CAST: variants seen among roughly 807,000 people sequenced by gnomAD.
The protein encoded by CAST is MIR583 host.
Under a neutral mutation model 119.6 loss-of-function variants are expected in CAST, and 76 were observed. That is an observed-to-expected ratio of 0.64 (90% CI 0.53 to 0.77). The LOEUF is 0.77. CAST is among the 30% of genes least tolerant of loss of function. CAST has a pLI of 0.00. For missense variants in CAST, 953 were observed against 946.5 expected (o/e 1.01, Z -0.09); for synonymous variants, 319 against 331.6 (o/e 0.96, Z 0.41).
intron 1 of CAST, among the ~76,000 whole-genome samples, chr5:96,629,889 C>T (rs530607335): frequency 5.3e-5 from 8 of 152,314 alleles, no homozygotes; most frequent in African/African-American, 7.2e-5. Flanking sequence ...CTATGAAGTA[C>T]TATGAATTTG....
At chr5:96,024,532 A>C in the CAST span, among the ~76,000 whole-genome samples, 1 of 152,312 alleles carries the variant, frequency 6.6e-6, no homozygotes, top group African/African-American at 2.4e-5. Context: ...CAAAGAACTT[A>C]ACACAGAATC....
chr5:96,155,568 G>C, the CAST span, among the ~76,000 whole-genome samples: 1 of 152,138 alleles, frequency 6.6e-6, no homozygotes, highest in Admixed American at 6.6e-5. Context: ...GATATGTTCC[G>C]ATGGAAATCT....
chr5:96,565,464 C>T (rs959531170), intron 1 of CAST, among the ~76,000 whole-genome samples: 4 of 151,972 alleles, frequency 2.6e-5, no homozygotes, highest in African/African-American at 9.7e-5. Context: ...ATTCATACAC[C>T]CTTTTTCCCT....
intron 1 of CAST, among the ~76,000 whole-genome samples, chr5:96,580,545 T>C (rs1023376420): frequency 6.6e-6 from 1 of 152,194 alleles, no homozygotes; most frequent in African/African-American, 2.4e-5. Flanking sequence ...TAGCTGGGTA[T>C]CTTGTAAAAC....
At chr5:96,452,991 G>GA in the CAST span, among the ~76,000 whole-genome samples, 2 of 129,328 alleles carry the variant, frequency 1.5e-5, no homozygotes, top group African/African-American at 6.3e-5. Context: ...AGAAAGAAAA[G>GA]AAAAAATCCT....
the CAST span, among the ~76,000 whole-genome samples, chr5:96,457,141 C>G: frequency 6.6e-6 from 1 of 152,162 alleles, no homozygotes; most frequent in Non-Finnish European, 1.5e-5. Context: ...TTAGCATCCT[C>G]CCTGATTTCT....
chr5:96,496,293 TGAA>T, the CAST span, among the ~76,000 whole-genome samples: 1 of 152,210 alleles, frequency 6.6e-6, no homozygotes, highest in Non-Finnish European at 1.5e-5. Context: ...ATTGTACAGT[TGAA>T]GAAATTGGTA....
chr5:96,314,239 G>C, the CAST span, among the ~76,000 whole-genome samples: 11 of 152,284 alleles, frequency 7.2e-5, no homozygotes, highest in South Asian at 2.3e-3. Flanking sequence ...GTAGAAAATT[G>C]ACTTTTGCCA....
the CAST span, among the ~76,000 whole-genome samples, chr5:96,489,817 T>C: frequency 6.6e-6 from 1 of 152,194 alleles, no homozygotes; most frequent in African/African-American, 2.4e-5. Flanking sequence ...ACGGCATTCC[T>C]GTCACATAGA....
the CAST span, among the ~76,000 whole-genome samples, chr5:96,111,244 G>A: frequency 1.3e-5 from 2 of 152,190 alleles, no homozygotes; most frequent in Non-Finnish European, 2.9e-5. Flanking sequence ...ACAGTCAGAT[G>A]AATAGGTTCA....
intron 3 of CAST, among the ~76,000 whole-genome samples, chr5:96,705,285 T>A (rs1270395388): frequency 6.6e-6 from 1 of 151,582 alleles, no homozygotes; most frequent in African/African-American, 2.4e-5. Flanking sequence ...GCTGCTGCAC[T>A]CCAGCCTGAC....
At chr5:96,387,630 T>C in the CAST span, among the ~76,000 whole-genome samples, 74 of 152,186 alleles carry the variant, frequency 4.9e-4, no homozygotes, top group Admixed American at 4.8e-3. Flanking sequence ...CACCCTACCA[T>C]GGAACACTCA....
At chr5:96,449,221 TATAGACAC>T in the CAST span, among the ~76,000 whole-genome samples, 2 of 152,190 alleles carry the variant, frequency 1.3e-5, no homozygotes, top group Non-Finnish European at 2.9e-5. Flanking sequence ...CACAATTCTG[TATAGACAC>T]ATACTCAGTG....
chr5:96,076,776 A>AT, the CAST span, among the ~76,000 whole-genome samples: 5 of 152,020 alleles, frequency 3.3e-5, no homozygotes, highest in African/African-American at 1.2e-4. Context: ...GAAGTTGTTC[A>AT]TTTTTTTCTC....
the CAST span, among the ~76,000 whole-genome samples, chr5:96,004,578 T>C: frequency 1.3e-4 from 20 of 152,194 alleles, no homozygotes; most frequent in African/African-American, 3.9e-4. Context: ...AGTGATCAGG[T>C]TTTCTTCAAG....
At chr5:96,237,958 G>A in the CAST span, among the ~76,000 whole-genome samples, 1 of 151,794 alleles carries the variant, frequency 6.6e-6, no homozygotes, top group Non-Finnish European at 1.5e-5. Flanking sequence ...AAAATTGTAT[G>A]TTTAGTTAAT....
intron 1 of CAST, among the ~76,000 whole-genome samples, chr5:96,612,067 T>A (rs1747372780): frequency 6.6e-6 from 1 of 152,176 alleles, no homozygotes; most frequent in Non-Finnish European, 1.5e-5. Flanking sequence ...AGCACTACAA[T>A]TTGACCCAGG....
the CAST span, among the ~76,000 whole-genome samples, chr5:96,208,703 A>AT: frequency 2.5e-4 from 38 of 150,588 alleles, no homozygotes; most frequent in African/African-American, 8.3e-4. Context: ...GTTTGGTATG[A>AT]TTTTTTTTTA....
the CAST span, among the ~76,000 whole-genome samples, chr5:96,203,191 C>T: frequency 1.3e-5 from 2 of 151,808 alleles, no homozygotes; most frequent in African/African-American, 2.4e-5. Flanking sequence ...TCCACATATG[C>T]CCTTAAATAG....
Sources: allele counts gnomAD v4.1 joint callset (sites outside exome capture counted in the v4.1 genomes callset), GRCh38; gene constraint gnomAD v4.1.1; transcripts MANE v1.5; gene names NCBI Gene and HGNC (gene_info 2026-07-23, HGNC 2026-07-21).